The following ERC2 variants were observed in gnomAD, a reference collection of about 807,000 sequenced individuals.
The protein encoded by ERC2 is ELKS/RAB6-interacting/CAST family member 2, also known as ERC protein 2.
ERC2 carries 42 observed loss-of-function variants against 114.8 expected under a neutral mutation model. The observed-to-expected ratio is 0.37, with a 90% confidence interval of 0.29 to 0.47. The LOEUF (loss-of-function observed/expected upper bound fraction) is 0.47, where lower values mean the gene tolerates loss of function less well. Among genes scored for constraint, ERC2 ranks in the 20% least tolerant of loss-of-function variants. The probability of loss-of-function intolerance (pLI) is 0.99; values close to 1 mark genes in which losing one functional copy is unlikely to be tolerated. For missense variants in ERC2, 939 were observed against 1,150.7 expected, an observed-to-expected ratio of 0.82 and a Z score of 2.66; for synonymous variants, 454 against 425.5, an observed-to-expected ratio of 1.07 and a Z score of -0.82.
chr3:55,874,932 C>T (rs2062755367), intron 14 of ERC2, among the ~76,000 whole-genome samples: 2 of 152,086 alleles, frequency 1.3e-5, no homozygotes, highest in Non-Finnish European at 2.9e-5. Flanking sequence ...GGCCCCAAAG[C>T]AAGAAGGGAA....
At chr3:55,631,447 G>T (rs1057287166) in intron 17 of ERC2, among the ~76,000 whole-genome samples, 21 of 152,150 alleles carry the variant, frequency 1.4e-4, no homozygotes, top group Admixed American at 3.3e-4. Context: ...CTTCCAGGAA[G>T]AAAGGAAAAA....
chr3:55,724,454 C>G (rs1346571133), intron 15 of ERC2, among the ~76,000 whole-genome samples: 2 of 152,178 alleles, frequency 1.3e-5, no homozygotes, highest in Non-Finnish European at 2.9e-5. Context: ...CATGGAAAAG[C>G]TTCAATGTGA....
At chr3:56,255,751 T>A (rs893482465) in intron 3 of ERC2, among the ~76,000 whole-genome samples, 1 of 152,232 alleles carries the variant, frequency 6.6e-6, no homozygotes, top group Non-Finnish European at 1.5e-5. Flanking sequence ...TGGGTTGAAT[T>A]CTTTCTTTCC....
chr3:55,553,873 G>A (rs932762114), intron 17 of ERC2, among the ~76,000 whole-genome samples: 6 of 152,216 alleles, frequency 3.9e-5, no homozygotes, highest in African/African-American at 1.4e-4. Flanking sequence ...AAAGCCAATT[G>A]GAAACAATGA....
chr3:55,684,851 A>T (rs1185878072), intron 16 of ERC2, among the ~76,000 whole-genome samples: 1 of 152,178 alleles, frequency 6.6e-6, no homozygotes, highest in African/African-American at 2.4e-5. Context: ...GCCTTTTAAT[A>T]GGTCTCCAGT....
intron 14 of ERC2, among the ~76,000 whole-genome samples, chr3:55,820,661 C>T (rs2060087411): frequency 6.6e-6 from 1 of 152,134 alleles, no homozygotes; most frequent in Non-Finnish European, 1.5e-5. Flanking sequence ...CAAGGTTACA[C>T]AGCGAGTAAG....
At chr3:56,366,165 G>T (rs140418039) in intron 2 of ERC2, among the ~76,000 whole-genome samples, 4 of 152,110 alleles carry the variant, frequency 2.6e-5, no homozygotes, top group African/African-American at 9.7e-5. Flanking sequence ...TAGTTAGCCC[G>T]CCTCCAGCTT....
intron 17 of ERC2, among the ~76,000 whole-genome samples, chr3:55,630,660 G>C (rs747831738): frequency 1.3e-5 from 2 of 152,156 alleles, no homozygotes; most frequent in Non-Finnish European, 2.9e-5. Context: ...ACTACTGTAG[G>C]GGCTTCACAG....
intron 3 of ERC2, among the ~76,000 whole-genome samples, chr3:56,217,076 T>C (rs1001152655): frequency 6.6e-6 from 1 of 152,160 alleles, no homozygotes; most frequent in Non-Finnish European, 1.5e-5. Context: ...CTTTTAAAAC[T>C]GGCACAAGAC....
chr3:55,973,592 T>C (rs1264547065), intron 12 of ERC2, among the ~76,000 whole-genome samples: 1 of 152,190 alleles, frequency 6.6e-6, no homozygotes, highest in Non-Finnish European at 1.5e-5. Context: ...AAATCCAGAG[T>C]GACCTTGAGC....
At chr3:56,103,376 G>A (rs563317216) in intron 6 of ERC2, among the ~76,000 whole-genome samples, 1 of 152,258 alleles carries the variant, frequency 6.6e-6, no homozygotes, top group East Asian at 1.9e-4. Context: ...ATGCCCGCGA[G>A]AAGAAGCACT....
chr3:56,348,759 G>A (rs996108931), intron 2 of ERC2, among the ~76,000 whole-genome samples: 6 of 151,648 alleles, frequency 4.0e-5, no homozygotes, highest in African/African-American at 1.5e-4. Flanking sequence ...TTTGACGATT[G>A]AAACTATTTA....
At chr3:56,217,475 G>T (rs184466542) in intron 3 of ERC2, among the ~76,000 whole-genome samples, 1 of 151,870 alleles carries the variant, frequency 6.6e-6, no homozygotes, top group African/African-American at 2.4e-5. Context: ...ACCACTGCTC[G>T]ACAAAATAAA....
At chr3:56,463,824 A>G (rs1362333662) in intron 1 of ERC2, among the ~76,000 whole-genome samples, 3 of 152,204 alleles carry the variant, frequency 2.0e-5, no homozygotes, top group South Asian at 2.1e-4. Flanking sequence ...CATTGCATCC[A>G]AGAAGTCCTT....
intron 17 of ERC2, among the ~76,000 whole-genome samples, chr3:55,621,892 C>T (rs1471436076): frequency 6.6e-6 from 1 of 152,118 alleles, no homozygotes; most frequent in African/African-American, 2.4e-5. Flanking sequence ...ACATCCCTGC[C>T]AAGCAGCAGT....
At chr3:55,591,600 T>TGTGTGC (rs1491315996) in intron 17 of ERC2, among the ~76,000 whole-genome samples, 11 of 142,412 alleles carry the variant, frequency 7.7e-5, no homozygotes, top group Middle Eastern at 3.7e-3. Context: ...TGTGTGTGTG[T>TGTGTGC]GCGCGCGCGT....
chr3:55,878,135 C>T (rs1239228938), intron 14 of ERC2, among the ~76,000 whole-genome samples: 1 of 152,150 alleles, frequency 6.6e-6, no homozygotes, highest in Non-Finnish European at 1.5e-5. Context: ...ATTATTTAAA[C>T]TCTATGATTC....
In ERC2 at chr3:55,726,554, AACACATTCCAGG is replaced by A. The variant is rs1295659198; in HGVS notation, c.2712+8205_2712+8216del. 1.7e-4 allele frequency among the ~76,000 whole-genome samples: 26 copies of A among 152,318 alleles called. 1 individual carries two copies. In the East Asian group the frequency reaches 4.6e-3, roughly 27 times the overall value. On this transcript the variant is annotated intron_variant, in intron 15 of 17. Transcript: ENST00000288221. ...TCCATCCTTGTAGGTGGCTCTCCTG[AACACATTCCAGG>A]GCAGCCTCTGCCTTCTCCCATTTTT... is the stretch of plus-strand genomic sequence containing the variant.
At chr3:56,456,571 T>G (rs2063070964) in intron 1 of ERC2, among the ~76,000 whole-genome samples, 1 of 152,234 alleles carries the variant, frequency 6.6e-6, no homozygotes, top group Non-Finnish European at 1.5e-5. Flanking sequence ...TACATAGCCT[T>G]TAACTTCACT....
Sources: gnomAD v4.1 joint callset for allele counts (sites outside exome capture counted in the v4.1 genomes callset) on GRCh38, gnomAD v4.1.1 for gene constraint, MANE v1.5 for transcripts, NCBI Gene and HGNC (gene_info 2026-07-23, HGNC 2026-07-21) for gene names.